The following PIK3CD variants were observed in gnomAD, a reference collection of about 807,000 sequenced individuals.
PIK3CD encodes the protein phosphatidylinositol-4,5-bisphosphate 3-kinase catalytic subunit delta.
In PIK3CD, 20 loss-of-function variants were observed where a neutral mutation model predicts 122.9. That is an observed-to-expected ratio of 0.16 (90% confidence interval 0.11 to 0.24). The LOEUF (loss-of-function observed/expected upper bound fraction) is 0.24, where lower values mean the gene tolerates loss of function less well. Ranked by LOEUF, PIK3CD falls within the 10% of genes least tolerant of loss-of-function variation. The pLI, the probability that PIK3CD is intolerant of heterozygous loss-of-function variation, is 1.00. For synonymous variants in PIK3CD, 596 were observed against 593.4 expected (o/e 1.00, Z -0.06); for missense variants, 787 against 1,406.3 (o/e 0.56, Z 7.04).
chr1:9,673,155 G>A (rs1645386118), intron 1 of PIK3CD, among the ~76,000 whole-genome samples: 1 of 150,952 alleles, frequency 6.6e-6, no homozygotes, highest in Non-Finnish European at 1.5e-5. Flanking sequence ...CTGGAGGGCA[G>A]TGGTTCACTC....
chr1:9,664,949 T>A (rs1184014498), intron 1 of PIK3CD, among the ~76,000 whole-genome samples: 1 of 152,122 alleles, frequency 6.6e-6, no homozygotes, highest in African/African-American at 2.4e-5. Context: ...ACACCTGTGA[T>A]CCTAGCACAC....
intron 2 of PIK3CD, among the ~76,000 whole-genome samples, chr1:9,693,125 C>T (rs1038096297): frequency 6.6e-6 from 1 of 152,124 alleles, no homozygotes; most frequent in African/African-American, 2.4e-5. Flanking sequence ...TTACCGCCAC[C>T]CCACCCCGCA....
At chr1:9,657,971 C>T (rs986388441) in intron 1 of PIK3CD, among the ~76,000 whole-genome samples, 1 of 152,082 alleles carries the variant, frequency 6.6e-6, no homozygotes, top group Admixed American at 6.5e-5. Context: ...GGGCTGGGCC[C>T]CCCCCTTGCA....
chr1:9,719,024 G>T lies in PIK3CD; in HGVS notation c.1242+109G>T. On this transcript the variant is annotated intron_variant, in intron 9 of 23. Transcript: ENST00000377346. The surrounding 1 kb of genome is among the most constrained non-coding windows in gnomAD (Gnocchi z 5.5). The stretch of plus-strand genomic sequence containing the variant: ...CGGCAAGCACGCAGCCTGGGGATGG[G>T]GGTCCTGGGATTGCTTGTGGACCCC... 9.4e-7 allele frequency: 1 copy of T among 1,066,768 alleles called. No homozygotes were observed. Among genetic ancestry groups the T allele is most frequent in the South Asian group, 1.3e-5 (1 of 74,908 alleles). 66.1% of individuals were successfully genotyped at this position (1,066,768 alleles called of 1,614,324 possible).
rs1010323333 is a variant in PIK3CD at position 9,710,257 on chromosome 1, G to A, written c.-32-167G>A. On this transcript the variant is annotated intron_variant, in intron 2 of 23. Coordinates refer to ENST00000377346, the MANE Select transcript of PIK3CD (RefSeq NM_005026.5). This position sits in a 1 kb window ranked among gnomAD's most constrained non-coding sequence, Gnocchi z 4.7. ...AGTAGTAGGAGCCACAAGCCACCCT[G>A]GGCAGGACGAGGCCCTGAGGGAGGT... is the stretch of plus-strand genomic sequence containing the variant. 2 of 639,618 alleles carry A rather than the reference G, an allele frequency of 3.1e-6. No homozygotes were observed. The highest frequency in any genetic ancestry group is 2.2e-5 in the Admixed American group (1 of 45,202). The allele number at this position is 639,618 out of a possible 1,614,324, so 39.6% of individuals were successfully genotyped here.
At chr1:9,675,824 G>A (rs1645513271) in intron 1 of PIK3CD, among the ~76,000 whole-genome samples, 1 of 151,862 alleles carries the variant, frequency 6.6e-6, no homozygotes, top group Non-Finnish European at 1.5e-5. Context: ...GGAGTGCAGT[G>A]CTGCGATCAT....
At chr1:9,654,506 A>T in intron 1 of PIK3CD, 1 of 590,398 alleles carries the variant, frequency 1.7e-6, no homozygotes, top group South Asian at 2.2e-5. Flanking sequence ...GCTTTCGCAC[A>T]ACTGTCCGAT....
At chr1:9,654,270 A>G in intron 1 of PIK3CD, 1 of 1,367,748 alleles carries the variant, frequency 7.3e-7, no homozygotes, top group South Asian at 1.1e-5. Flanking sequence ...TTCTGGCAGG[A>G]AAAGCGCGTT....
chr1:9,646,509 G>A, the PIK3CD span, among the ~76,000 whole-genome samples: 30,877 of 152,178 alleles, frequency 0.2, 3,733 homozygotes, highest in African/African-American at 0.34. Flanking sequence ...AGCAGTTTTA[G>A]GCTTCCAGAG....
intron 1 of PIK3CD, among the ~76,000 whole-genome samples, 172 bp from the exon 2 acceptor site, chr1:9,691,295 C>T (rs184849305): frequency 8.5e-5 from 13 of 152,200 alleles, no homozygotes; most frequent in East Asian, 7.7e-4. Context: ...GTGGCATTGA[C>T]GCAGATGGCA....
rs973838721 is a variant in PIK3CD, at chr1:9,691,472, G to T, written c.-132G>T. The T allele has an allele frequency of 2.0e-5, 8 of 398,414 alleles. No individual in the cohort carries two copies. The highest frequency in any genetic ancestry group is 3.1e-5 in the Non-Finnish European group (7 of 226,084). 24.7% of individuals were successfully genotyped at this position (398,414 alleles called of 1,614,324 possible). A position where few individuals can be genotyped will look rare whatever the true frequency, so the allele number is the denominator to read the frequency against. On this transcript the variant is annotated 5_prime_UTR_variant, in exon 2 of 24. Coordinates refer to ENST00000377346, the MANE Select transcript of PIK3CD (RefSeq NM_005026.5). ...TTCTTTCTTTTCCCCAACAGATAAG[G>T]AGTCAGGCCAGGGCGGGATGACACT...
intron 1 of PIK3CD, among the ~76,000 whole-genome samples, chr1:9,684,463 A>G (rs201568678): frequency 1.3e-5 from 2 of 151,096 alleles, no homozygotes. Context: ...CTTGAACCCA[A>G]GAGGCCGAGG....
chr1:9,643,490 AGGG>A, the PIK3CD span, among the ~76,000 whole-genome samples: 1 of 48,908 alleles, frequency 2.0e-5, no homozygotes, highest in Non-Finnish European at 3.8e-5. Context: ...GGAGGGAGGG[AGGG>A]AGGGAAGGAA....
Position 9,724,718 on chromosome 1 carries a change from G to A in PIK3CD, c.2865-86G>A, listed in dbSNP as rs1260657438. ...TCAGGGCAAGGGCAGGTGTCCTTGGGGAAGGGGCTGGTTGGATGCAGAGCG... is the reference window on the plus strand; with the variant it reads ...TCAGGGCAAGGGCAGGTGTCCTTGGAGAAGGGGCTGGTTGGATGCAGAGCG... On this transcript the variant is annotated intron_variant, in intron 22 of 23. Transcript: ENST00000377346. The surrounding 1 kb of genome is among the most constrained non-coding windows in gnomAD (Gnocchi z 7.3). 1.3e-6 allele frequency: 2 copies of A among 1,556,596 alleles called. No individual in the cohort carries two copies. The highest frequency in any genetic ancestry group is 1.1e-5 in the South Asian group (1 of 89,688).
Position 9,718,697 on chromosome 1 carries a change from G to C in PIK3CD, c.1024G>C (p.Val342Leu). Residue 342 changes from valine to leucine, a missense_variant, in exon 9 of 24, where the codon GTG becomes CTG. By Grantham distance (32) the Val-to-Leu change is conservative (BLOSUM62 1). Transcript: ENST00000377346. This position sits in a 1 kb window ranked among gnomAD's most constrained non-coding sequence, Gnocchi z 7.2. ...KVNADERMKL[V>L]VQAGLFHGNE... The stretch of plus-strand genomic sequence containing the variant: ...ATCATCCCGGCACCTTCTACAGCTG[G>C]TGGTGCAGGCCGGGCTTTTCCACGG... 1.2e-6 allele frequency: 2 copies of C among 1,603,564 alleles called. No homozygotes were observed. The highest frequency in any genetic ancestry group is 1.7e-6 in the Non-Finnish European group (2 of 1,179,730).
At chr1:9,631,669 G>GT in the PIK3CD span, among the ~76,000 whole-genome samples, 11 of 151,764 alleles carry the variant, frequency 7.2e-5, no homozygotes, top group South Asian at 1.9e-3. Context: ...CTCCAACTCA[G>GT]AAAAAAAAGG....
the PIK3CD span, among the ~76,000 whole-genome samples, chr1:9,635,882 T>A: frequency 1.3e-5 from 2 of 152,186 alleles, no homozygotes; most frequent in Non-Finnish European, 2.9e-5. Flanking sequence ...GGCAGACATG[T>A]GAGCATCTGG....
At chr1:9,634,546 G>A in the PIK3CD span, among the ~76,000 whole-genome samples, 5 of 152,094 alleles carry the variant, frequency 3.3e-5, no homozygotes, top group African/African-American at 4.8e-5. Flanking sequence ...TGATCTGCCC[G>A]CCTTGGCCTC....
chr1:9,720,396 G>T lies in PIK3CD; in HGVS notation c.1470+154G>T. On this transcript the variant is annotated intron_variant, in intron 11 of 23. Transcript: ENST00000377346. This position sits in a 1 kb window ranked among gnomAD's most constrained non-coding sequence, Gnocchi z 9.0. ...TCCCAGGGGCCATTTTGCCTGCAGGGATGCTGCGCAGTCTGATGACATTTT... is the reference window on the plus strand; with the variant it reads ...TCCCAGGGGCCATTTTGCCTGCAGGTATGCTGCGCAGTCTGATGACATTTT... 7.3e-7 allele frequency: 1 copy of T among 1,368,642 alleles called. No homozygotes were observed. 84.8% of individuals were successfully genotyped at this position (1,368,642 alleles called of 1,614,324 possible).
Sources: gnomAD v4.1 joint callset for allele counts (sites outside exome capture counted in the v4.1 genomes callset) on GRCh38, gnomAD v4.1.1 for gene constraint, Gnocchi (gnomAD v3.1) non-coding constraint, MANE v1.5 for transcripts, NCBI Gene and HGNC (gene_info 2026-07-23, HGNC 2026-07-21) for gene names.